Variants in COL11A2 observed in about 807,000 individuals in gnomAD.
COL11A2 encodes collagen type XI alpha 2 chain.
In COL11A2, 116 loss-of-function variants were observed where a neutral mutation model predicts 273.4. The ratio of observed to expected loss-of-function variants is 0.42; its 90% CI spans 0.36 to 0.49. COL11A2 has a LOEUF of 0.49. Among genes scored for constraint, COL11A2 ranks in the 20% least tolerant of loss-of-function variants. The pLI, the probability that COL11A2 is intolerant of heterozygous loss-of-function variation, is 0.00. For synonymous variants in COL11A2, 782 were observed against 864.2 expected, an observed-to-expected ratio of 0.90 and a Z score of 1.67; for missense variants, 1,866 against 2,309.0, an observed-to-expected ratio of 0.81 and a Z score of 3.93.
In COL11A2 at chr6:33,175,687, T is replaced by C; in HGVS notation, c.2269-6A>G. The C allele has an allele frequency of 1.9e-6, 3 of 1,611,908 alleles. No individual in the cohort carries two copies. Among genetic ancestry groups the C allele is most frequent in the African/African-American group, 2.7e-5 (2 of 74,916 alleles). Reference sequence around the variant, plus strand: ...CCAGGGACTCCAACTTCGCCCTGTGTGAGAGGGAAGGACAGGTGAGTGCTG... The same window carrying C: ...CCAGGGACTCCAACTTCGCCCTGTGCGAGAGGGAAGGACAGGTGAGTGCTG... On this transcript the variant is annotated splice_polypyrimidine_tract_variant and splice_region_variant and intron_variant, in intron 29 of 65. Coordinates refer to ENST00000341947, the MANE Select transcript of COL11A2 (RefSeq NM_080680.3).
Position 33,179,485 on chromosome 6 carries a change from C to T in COL11A2, c.1449G>A (p.Leu483=), listed in dbSNP as rs1268649093. 6.4e-7 allele frequency: 1 copy of T among 1,561,408 alleles called. No homozygotes were observed. Among genetic ancestry groups the T allele is most frequent in the African/African-American group, 1.4e-5 (1 of 73,878 alleles). Residue 483 remains leucine (L), a splice_region_variant and synonymous_variant, in exon 14 of 66, where the codon CTG becomes CTA. Coordinates refer to ENST00000341947, the MANE Select transcript of COL11A2 (RefSeq NM_080680.3). The surrounding 1 kb of genome is among the most constrained non-coding windows in gnomAD (Gnocchi z 6.4). The part of the protein sequence containing the change: ...QAQAILQQAR[L]ALRGPPGPMG... ...TGGGGCCAGGGGGTCCACGGAGCGCCAGCTAGGGGAGCAGGGGGACAGCAG... is the reference window on the plus strand; with the variant it reads ...TGGGGCCAGGGGGTCCACGGAGCGCTAGCTAGGGGAGCAGGGGGACAGCAG...
At position 33,167,915 on chromosome 6, in the gene COL11A2, C is replaced by T. The variant is rs116782881; in HGVS notation, c.3961-63G>A. On this transcript the variant is annotated intron_variant, in intron 54 of 65. Coordinates refer to ENST00000341947, the MANE Select transcript of COL11A2 (RefSeq NM_080680.3). The surrounding 1 kb of genome is among the most constrained non-coding windows in gnomAD (Gnocchi z 6.1). Reference sequence around the variant, plus strand: ...TGGGCAGCCAGGCTCAACTCTTCCCCCTTCCTGTCCTAGACACACACATAC... The same window carrying T: ...TGGGCAGCCAGGCTCAACTCTTCCCTCTTCCTGTCCTAGACACACACATAC... 2,129 of 1,573,280 alleles carry T rather than the reference C, an allele frequency of 1.4e-3. 8 individuals carry two copies. Among genetic ancestry groups the T allele is most frequent in the African/African-American group, 4.9e-3 (366 of 74,326 alleles).
chr6:33,192,335 G>A lies in COL11A2; in HGVS notation c.-95C>T. 1 of 1,212,848 alleles carries A rather than the reference G, an allele frequency of 8.2e-7. No homozygotes were observed. Among genetic ancestry groups the A allele is most frequent in the Non-Finnish European group, 1.2e-6 (1 of 848,128 alleles). The allele number at this position is 1,212,848 out of a possible 1,614,324, so 75.1% of individuals were successfully genotyped here. ...ACAGAAGACAGGGAGCAGACTATGA[G>A]CCTCAGACGCCGGGGTCCCAGGGAG... On this transcript the variant is annotated 5_prime_UTR_variant, in exon 1 of 66. Coordinates refer to ENST00000341947, the MANE Select transcript of COL11A2 (RefSeq NM_080680.3).
In COL11A2 at chr6:33,166,579, G is replaced by A. The variant is rs1445776390; in HGVS notation, c.4339-13C>T. ...CTCCTGGGATACCCTAGGAAGGGTA[G>A]TGGCTGGTTCAACTGGGTCCTCCTC... On this transcript the variant is annotated splice_polypyrimidine_tract_variant and intron_variant, in intron 59 of 65. Transcript: ENST00000341947. This position sits in a 1 kb window ranked among gnomAD's most constrained non-coding sequence, Gnocchi z 4.8. 3 of 1,613,850 alleles carry A rather than the reference G, an allele frequency of 1.9e-6. No homozygotes were observed. Among genetic ancestry groups the A allele is most frequent in the Non-Finnish European group, 2.5e-6 (3 of 1,179,884 alleles).
Position 33,186,696 on chromosome 6 carries a change from T to C in COL11A2, c.729A>G (p.Arg243=), listed in dbSNP as rs1309867986. 1.9e-6 allele frequency: 3 copies of C among 1,614,072 alleles called. No homozygotes were observed. Among genetic ancestry groups the C allele is most frequent in the Non-Finnish European group, 2.5e-6 (3 of 1,180,010 alleles). The change falls in exon 5 of 66, where the codon AGA becomes AGG. Residue 243 remains arginine, a synonymous_variant. Coordinates refer to ENST00000341947, the MANE Select transcript of COL11A2 (RefSeq NM_080680.3). ...GTTGCTGCTGTGGAGATCTCTGGGC[T>C]CTGTGAGGCTGTTGGTTTTGGGGTC... ...RERPQNQQPH[R]AQRSPQQQPS...
rs766525890 is a variant in COL11A2 at position 33,170,104 on chromosome 6, G to T, written c.3583-4C>A. ...CTCCTGGGGGACCTTGTGGGCCCTG[G>T]AAGAGGAACAGAAATAGGTGTCATT... is the stretch of plus-strand genomic sequence containing the variant. On this transcript the variant is annotated splice_region_variant and splice_polypyrimidine_tract_variant and intron_variant, in intron 48 of 65. Coordinates refer to ENST00000341947, the MANE Select transcript of COL11A2 (RefSeq NM_080680.3). The surrounding 1 kb of genome is among the most constrained non-coding windows in gnomAD (Gnocchi z 4.3). 5 of 1,613,058 alleles carry T rather than the reference G, an allele frequency of 3.1e-6. No individual in the cohort carries two copies. Among genetic ancestry groups the T allele is most frequent in the South Asian group, 1.1e-5 (1 of 91,072 alleles).
chr6:33,169,408 C>T lies in COL11A2; in HGVS notation c.3773G>A (p.Gly1258Asp). The change falls in exon 51 of 66, where the codon GGC (glycine) becomes GAC (aspartate). Residue 1258 changes from glycine to aspartate, a missense_variant. Gly to Asp is a moderately conservative substitution (Grantham distance 94). Transcript: ENST00000341947. The surrounding 1 kb of genome is among the most constrained non-coding windows in gnomAD (Gnocchi z 5.5). Reference protein sequence around the residue: ...PGPPGPKGPTGDDGPKGNPGP... With the variant: ...PGPPGPKGPTDDDGPKGNPGP... The stretch of plus-strand genomic sequence containing the variant: ...AGGGTTCCCTTTGGGGCCATCATCG[C>T]CTGTGGGGCCTTTAGGCCCTGGTGG... 1.9e-6 allele frequency: 3 copies of T among 1,612,944 alleles called. No individual in the cohort carries two copies. Among genetic ancestry groups the T allele is most frequent in the Non-Finnish European group, 2.5e-6 (3 of 1,180,024 alleles).
In COL11A2 at chr6:33,177,965, CGGGGAGCGA is replaced by C; in HGVS notation, c.1872+158_1872+166del. ...CACGCCACATGGCCCTCCCTGTGCA[CGGGGAGCGA>C]ATGCTGAGGCAGGGCAGTGTGGGGC... On this transcript the variant is annotated intron_variant, in intron 21 of 65. Coordinates refer to ENST00000341947, the MANE Select transcript of COL11A2 (RefSeq NM_080680.3). This position sits in a 1 kb window ranked among gnomAD's most constrained non-coding sequence, Gnocchi z 5.9. The C allele has an allele frequency of 1.2e-6, 1 of 827,096 alleles. No homozygotes were observed. The highest frequency in any genetic ancestry group is 1.7e-5 in the African/African-American group (1 of 58,820). 51.2% of individuals were successfully genotyped at this position (827,096 alleles called of 1,614,324 possible). A position where few individuals can be genotyped will look rare whatever the true frequency, so the allele number is the denominator to read the frequency against.
chr6:33,174,672 C>A, intron 30 of COL11A2, 92 bp from the exon 31 acceptor site: 1 of 1,232,698 alleles, frequency 8.1e-7, no homozygotes. Context: ...AACAGCCAGC[C>A]CCCACCCAGC....
In COL11A2 at chr6:33,169,241, C is replaced by A; in HGVS notation, c.3798+142G>T. The stretch of plus-strand genomic sequence containing the variant: ...CTCCGGATCCTAGACCCCAGGCATC[C>A]CTCTGGATGCCCCATTCCCAGAGCA... On this transcript the variant is annotated intron_variant, in intron 51 of 65. Transcript: ENST00000341947. This position sits in a 1 kb window ranked among gnomAD's most constrained non-coding sequence, Gnocchi z 5.5. 1.2e-6 allele frequency: 1 copy of A among 805,268 alleles called. No individual in the cohort carries two copies. Among genetic ancestry groups the A allele is most frequent in the Non-Finnish European group, 2.0e-6 (1 of 492,022 alleles). 49.9% of individuals were successfully genotyped at this position (805,268 alleles called of 1,614,324 possible).
intron 41 of COL11A2, 55 bp downstream of exon 41, chr6:33,171,995 C>T: frequency 6.3e-7 from 1 of 1,598,636 alleles, no homozygotes; most frequent in Non-Finnish European, 8.6e-7. Flanking sequence ...TCCCACCCTT[C>T]CTCACCCACC....
In COL11A2 at chr6:33,178,024, A is replaced by C. The variant is rs981908592; in HGVS notation, c.1872+108T>G. Reference sequence around the variant, plus strand: ...CCAGAGCAGGGGGAGCTCACAGGGAATGGGAAGCATGCCGAGAGAGGAGAG... The same window carrying C: ...CCAGAGCAGGGGGAGCTCACAGGGACTGGGAAGCATGCCGAGAGAGGAGAG... On this transcript the variant is annotated intron_variant, in intron 21 of 65. Transcript: ENST00000341947. This position sits in a 1 kb window ranked among gnomAD's most constrained non-coding sequence, Gnocchi z 4.6. 5 of 1,165,154 alleles carry C rather than the reference A, an allele frequency of 4.3e-6. No individual in the cohort carries two copies. Among genetic ancestry groups the C allele is most frequent in the Non-Finnish European group, 6.2e-6 (5 of 800,974 alleles). The allele number at this position is 1,165,154 out of a possible 1,614,324, so 72.2% of individuals were successfully genotyped here.
chr6:33,163,642 C>G lies in COL11A2; in HGVS notation c.*36G>C. 1 of 1,612,994 alleles carries G rather than the reference C, an allele frequency of 6.2e-7. No homozygotes were observed. The highest frequency in any genetic ancestry group is 8.5e-7 in the Non-Finnish European group (1 of 1,179,986). On this transcript the variant is annotated 3_prime_UTR_variant, in exon 66 of 66. Transcript: ENST00000341947. This position sits in a 1 kb window ranked among gnomAD's most constrained non-coding sequence, Gnocchi z 4.1. Reference sequence around the variant, plus strand: ...TGATGTTGTGGGATTCCAGGTGGGCCTGGTTCCGAATGGACAGGATCAGAC... The same window carrying G: ...TGATGTTGTGGGATTCCAGGTGGGCGTGGTTCCGAATGGACAGGATCAGAC...
At position 33,176,964 on chromosome 6, in the gene COL11A2, C is replaced by A. The variant is rs1483205930; in HGVS notation, c.2070+28G>T. On this transcript the variant is annotated intron_variant, in intron 25 of 65. Coordinates refer to ENST00000341947, the MANE Select transcript of COL11A2 (RefSeq NM_080680.3). The surrounding 1 kb of genome is among the most constrained non-coding windows in gnomAD (Gnocchi z 4.9). Reference sequence around the variant, plus strand: ...CACTGGGGTGGAAGGCCAAGGGGAACTGGATTCGGAAGTGGGGTCCCACTC... The same window carrying A: ...CACTGGGGTGGAAGGCCAAGGGGAAATGGATTCGGAAGTGGGGTCCCACTC... 6.2e-7 allele frequency: 1 copy of A among 1,605,926 alleles called. No individual in the cohort carries two copies. Among genetic ancestry groups the A allele is most frequent in the East Asian group, 2.2e-5 (1 of 44,652 alleles).
Position 33,179,761 on chromosome 6 carries a change from C to G in COL11A2, c.1404G>C (p.Ala468=). The part of the protein sequence containing the change: ...SGGGDKGPVV[A]AQEAQAQAIL... ...TCGCCTGGGCCTGAGCCTCCTGGGC[C>G]GCCACCACAGGGCCCTTGTCACCCC... The change falls in exon 13 of 66, where the codon GCG becomes GCC. Residue 468 remains alanine (A), a synonymous_variant. Transcript: ENST00000341947. The surrounding 1 kb of genome is among the most constrained non-coding windows in gnomAD (Gnocchi z 6.4). 1 of 1,612,152 alleles carries G rather than the reference C, an allele frequency of 6.2e-7. No individual in the cohort carries two copies. The highest frequency in any genetic ancestry group is 8.5e-7 in the Non-Finnish European group (1 of 1,180,024).
Position 33,175,609 on chromosome 6 carries a change from C to T in COL11A2, c.2341G>A (p.Gly781Arg). Residue 781 changes from glycine (G) to arginine (R), a missense_variant, in exon 30 of 66, where the codon GGA (glycine) becomes AGA (arginine). Physicochemically the swap from Gly to Arg is moderately radical, Grantham distance 125. Transcript: ENST00000341947. ...EGPKGRTGPT[G>R]DPGPPGLMGE... ...ATGAGCCCTGGGGGCCCAGGGTCTC[C>T]AGTCGGTCCAGTGCGTCCCTTTGGC... 1 of 1,613,012 alleles carries T rather than the reference C, an allele frequency of 6.2e-7. No individual in the cohort carries two copies. The highest frequency in any genetic ancestry group is 8.5e-7 in the Non-Finnish European group (1 of 1,180,020).
At position 33,177,443 on chromosome 6, in the gene COL11A2, G is replaced by A. The variant is rs1367445287; in HGVS notation, c.1940C>T (p.Pro647Leu). ...CCCAGGGGTGCCCTGTTGTCCAGGA[G>A]GTCCTGGCTCTCCCTGGGGTCCCTA... ...GSLGPQGEPGPPGQQGTPGTQ... is the reference protein window; with the variant it reads ...GSLGPQGEPGLPGQQGTPGTQ... The change falls in exon 23 of 66, where the codon CCT (proline) becomes CTT (leucine). Residue 647 changes from proline to leucine, a missense_variant. By Grantham distance (98) the Pro-to-Leu change is moderately conservative. Transcript: ENST00000341947. This position sits in a 1 kb window ranked among gnomAD's most constrained non-coding sequence, Gnocchi z 5.9. 2.5e-6 allele frequency: 4 copies of A among 1,613,032 alleles called. No homozygotes were observed. The highest frequency in any genetic ancestry group is 3.4e-6 in the Non-Finnish European group (4 of 1,180,004).
At position 33,168,698 on chromosome 6, in the gene COL11A2, G is replaced by T. The variant is rs1213737107; in HGVS notation, c.3906+8C>A. ...CTCAGGGGGGTGGTGGGGTCACCAGGCACTCACAGGCTGTCCTGGCTCACC... is the reference window on the plus strand; with the variant it reads ...CTCAGGGGGGTGGTGGGGTCACCAGTCACTCACAGGCTGTCCTGGCTCACC... On this transcript the variant is annotated splice_region_variant and intron_variant, in intron 53 of 65. Coordinates refer to ENST00000341947, the MANE Select transcript of COL11A2 (RefSeq NM_080680.3). 1 of 1,590,050 alleles carries T rather than the reference G, an allele frequency of 6.3e-7. No individual in the cohort carries two copies. Among genetic ancestry groups the T allele is most frequent in the African/African-American group, 1.3e-5 (1 of 74,178 alleles).
In COL11A2 at chr6:33,173,464, A is replaced by G. The variant is rs1256078801; in HGVS notation, c.2682+38T>C. Reference sequence around the variant, plus strand: ...GAAAGCAGGTAGGGAAGAAGGACTCAGAGAAGCGAGGTGGGTCAGAGCTCG... The same window carrying G: ...GAAAGCAGGTAGGGAAGAAGGACTCGGAGAAGCGAGGTGGGTCAGAGCTCG... On this transcript the variant is annotated intron_variant, in intron 36 of 65. Transcript: ENST00000341947. This position sits in a 1 kb window ranked among gnomAD's most constrained non-coding sequence, Gnocchi z 6.3. 6.2e-7 allele frequency: 1 copy of G among 1,612,048 alleles called. No homozygotes were observed. The highest frequency in any genetic ancestry group is 8.5e-7 in the Non-Finnish European group (1 of 1,179,222).
Sources: gnomAD v4.1 joint callset for allele counts on GRCh38, gnomAD v4.1.1 for gene constraint, Gnocchi (gnomAD v3.1) non-coding constraint, MANE v1.5 for transcripts, NCBI Gene and HGNC (gene_info 2026-07-23, HGNC 2026-07-21) for gene names.